BRINP1: variants seen among roughly 807,000 people sequenced by gnomAD.
BRINP1 encodes BMP/retinoic acid inducible neural specific 1.
In BRINP1, 17 loss-of-function variants were observed where a neutral mutation model predicts 72.9. The observed-to-expected ratio is 0.23, with a 90% CI of 0.16 to 0.35. The LOEUF (loss-of-function observed/expected upper bound fraction) is 0.35. Among genes scored for constraint, BRINP1 ranks in the 10% least tolerant of loss-of-function variants. BRINP1 has a pLI of 1.00. For missense variants in BRINP1, 850 were observed against 1,001.6 expected (o/e 0.85, Z 2.04); for synonymous variants, 418 against 378.5 (o/e 1.10, Z -1.21).
intron 6 of BRINP1, among the ~76,000 whole-genome samples, chr9:119,209,345 G>T (rs922261867): frequency 1.3e-5 from 2 of 152,188 alleles, no homozygotes; most frequent in Admixed American, 6.5e-5. Context: ...GGCCAAGGCG[G>T]GTGGATAACA....
In BRINP1 at chr9:119,168,024, G is replaced by A; in HGVS notation, c.1346C>T (p.Ser449Phe). 1 of 1,613,258 alleles carries A rather than the reference G, an allele frequency of 6.2e-7. No individual in the cohort carries two copies. The highest frequency in any genetic ancestry group is 8.5e-7 in the Non-Finnish European group (1 of 1,179,288). ...ATACAGCTTGTAGCCCTTGTTGCAG[G>A]AGCCGCAGAGGGAGATGTTGGCCAG... Reference protein sequence around the residue: ...CSLANISLCGSCNKGYKLYRG... With the variant: ...CSLANISLCGFCNKGYKLYRG... Residue 449 changes from serine to phenylalanine, a missense_variant, in exon 8 of 8, where the codon TCC (serine) becomes TTC (phenylalanine). Transcript: ENST00000265922.
intron 1 of BRINP1, among the ~76,000 whole-genome samples, chr9:119,330,296 C>T (rs1442279447): frequency 6.6e-6 from 1 of 152,094 alleles, no homozygotes; most frequent in Non-Finnish European, 1.5e-5. Context: ...TTATTTCTAC[C>T]CTGCCTACTT....
intron 2 of BRINP1, among the ~76,000 whole-genome samples, chr9:119,267,486 A>T (rs1830558777): frequency 6.6e-6 from 1 of 151,646 alleles, no homozygotes; most frequent in Non-Finnish European, 1.5e-5. Context: ...AAAAACAAAA[A>T]TTAGCCAGGT....
At chr9:119,197,661 T>C (rs1432506255) in intron 7 of BRINP1, among the ~76,000 whole-genome samples, 1 of 151,380 alleles carries the variant, frequency 6.6e-6, no homozygotes, top group Non-Finnish European at 1.5e-5. Flanking sequence ...ATGTGGTGTG[T>C]GAAGCTGATG....
intron 1 of BRINP1, among the ~76,000 whole-genome samples, chr9:119,320,369 T>C (rs1257416794): frequency 6.6e-6 from 1 of 152,190 alleles, no homozygotes; most frequent in African/African-American, 2.4e-5. Flanking sequence ...AATTTATCTA[T>C]TCATTCATTA....
At chr9:119,311,396 A>C (rs10491528) in intron 2 of BRINP1, among the ~76,000 whole-genome samples, 3,769 of 152,264 alleles carry the variant, frequency 0.025, 174 homozygotes, top group African/African-American at 0.086. Context: ...TTGTTTTAGG[A>C]GTAGAATCCA....
At chr9:119,325,481 TC>T (rs1435816571) in intron 1 of BRINP1, among the ~76,000 whole-genome samples, 3 of 152,178 alleles carry the variant, frequency 2.0e-5, no homozygotes, top group African/African-American at 7.2e-5. Flanking sequence ...TCCATCTACT[TC>T]CTTTGCCAGT....
At chr9:119,253,983 T>A (rs1221126) in intron 2 of BRINP1, among the ~76,000 whole-genome samples, 2,872 of 152,288 alleles carry the variant, frequency 0.019, 42 homozygotes, top group Non-Finnish European at 0.03. Context: ...AAGACTGTAA[T>A]AATCACAGGA....
At chr9:119,359,459 C>T (rs1831607425) in intron 1 of BRINP1, among the ~76,000 whole-genome samples, 1 of 152,222 alleles carries the variant, frequency 6.6e-6, no homozygotes, top group Non-Finnish European at 1.5e-5. Context: ...GCCTCAGCCT[C>T]CCAAAGTGCT....
At chr9:119,346,238 ATAAAT>A (rs1214101190) in intron 1 of BRINP1, among the ~76,000 whole-genome samples, 4 of 152,226 alleles carry the variant, frequency 2.6e-5, no homozygotes, top group South Asian at 2.1e-4. Flanking sequence ...ACAGAAGATA[ATAAAT>A]TAAAGATATA....
intron 5 of BRINP1, among the ~76,000 whole-genome samples, chr9:119,238,375 T>G (rs1424392901): frequency 6.6e-6 from 1 of 150,962 alleles, no homozygotes; most frequent in Non-Finnish European, 1.5e-5. Context: ...GAAATGTAGA[T>G]ATTTATAAAT....
intron 1 of BRINP1, among the ~76,000 whole-genome samples, chr9:119,325,700 G>A (rs1831232820): frequency 1.3e-5 from 2 of 152,140 alleles, no homozygotes; most frequent in African/African-American, 4.8e-5. Flanking sequence ...AGCCCTTGTT[G>A]CCAGAGTGAT....
At chr9:119,304,796 C>T (rs1271396844) in intron 2 of BRINP1, among the ~76,000 whole-genome samples, 2 of 152,252 alleles carry the variant, frequency 1.3e-5, no homozygotes, top group Non-Finnish European at 2.9e-5. Flanking sequence ...CCCTTCTCCG[C>T]TGCCTTTGTC....
chr9:119,184,735 G>C (rs1829597899), intron 7 of BRINP1, among the ~76,000 whole-genome samples: 1 of 152,114 alleles, frequency 6.6e-6, no homozygotes, highest in Non-Finnish European at 1.5e-5. Context: ...ATGAGAAACA[G>C]AGTCCAGGGA....
intron 1 of BRINP1, among the ~76,000 whole-genome samples, chr9:119,320,047 C>G (rs1161985814): frequency 6.6e-6 from 1 of 152,120 alleles, no homozygotes; most frequent in Non-Finnish European, 1.5e-5. Context: ...CTGAGAGAAC[C>G]CCATAGAAGA....
chr9:119,344,454 A>G (rs1831432479), intron 1 of BRINP1, among the ~76,000 whole-genome samples: 1 of 152,188 alleles, frequency 6.6e-6, no homozygotes, highest in South Asian at 2.1e-4. Flanking sequence ...CTTTTATGTT[A>G]CCAGAATTTA....
At chr9:119,221,813 A>G (rs1830043727) in intron 5 of BRINP1, among the ~76,000 whole-genome samples, 1 of 152,070 alleles carries the variant, frequency 6.6e-6, no homozygotes, top group African/African-American at 2.4e-5. Flanking sequence ...AGACGTTTCA[A>G]AGGATGAAGC....
chr9:119,171,625 A>G (rs1678233258), intron 7 of BRINP1, among the ~76,000 whole-genome samples: 1 of 121,982 alleles, frequency 8.2e-6, no homozygotes, highest in African/African-American at 3.2e-5. Context: ...CTCTGCACCA[A>G]GCGGACCTAA....
chr9:119,255,372 C>T (rs1233322133), intron 2 of BRINP1, among the ~76,000 whole-genome samples: 1 of 152,230 alleles, frequency 6.6e-6, no homozygotes, highest in South Asian at 2.1e-4. Context: ...GGATGGAAGT[C>T]GTGGGGTGTC....
Sources: allele counts gnomAD v4.1 joint callset (sites outside exome capture counted in the v4.1 genomes callset), GRCh38; gene constraint gnomAD v4.1.1; transcripts MANE v1.5; gene names NCBI Gene and HGNC (gene_info 2026-07-23, HGNC 2026-07-21).